GPR155: variants seen among roughly 807,000 people sequenced by gnomAD.
GPR155 encodes the protein lysosomal cholesterol signaling protein.
GPR155 carries 65 observed loss-of-function variants against 93.1 expected under a neutral mutation model. That is an observed-to-expected ratio of 0.70 (90% CI 0.57 to 0.86). The LOEUF is 0.86. Ranked by LOEUF, GPR155 falls within the 40% of genes least tolerant of loss-of-function variation. GPR155 has a pLI of 0.00. For missense variants in GPR155, 838 were observed against 1,034.8 expected (o/e 0.81, Z 2.61); for synonymous variants, 319 against 360.1 (o/e 0.89, Z 1.29).
chr2:174,471,786 ATATT>A (rs1258772280), intron 3 of GPR155, among the ~76,000 whole-genome samples: 1 of 152,238 alleles, frequency 6.6e-6, no homozygotes, highest in Non-Finnish European at 1.5e-5. Flanking sequence ...TAAAATTAGA[ATATT>A]TAAATTCTAC....
Position 174,444,627 on chromosome 2 carries a change from G to A in GPR155, c.2109+454C>T, listed in dbSNP as rs866566405. Among the ~76,000 whole-genome samples the A allele has an allele frequency of 1.8e-4, 28 of 151,504 alleles. 1 individual carries two copies. In the Middle Eastern group the frequency reaches 0.014, roughly 74 times the overall value. ...TGTGCCTCAGCCTCTGCAGTAGCTT[G>A]GATTATCGGCATGGACTACCACGTC... On this transcript the variant is annotated intron_variant, in intron 13 of 15. Transcript: ENST00000392552.
rs373340538 is a variant in GPR155 at position 174,436,072 on chromosome 2, C to T, written c.*44G>A. ...TCACCCAGCTAAAAACTAATGAATA[C>T]GCGGCTAGAATATGATTCCATGTAG... is the stretch of plus-strand genomic sequence containing the variant. On this transcript the variant is annotated 3_prime_UTR_variant, in exon 16 of 16. Coordinates refer to ENST00000392552, the MANE Select transcript of GPR155 (RefSeq NM_152529.7). The T allele has an allele frequency of 3.1e-4, 470 of 1,522,360 alleles. 2 individuals carry two copies. The highest frequency in any genetic ancestry group is 2.9e-3 in the Middle Eastern group (16 of 5,568). The allele number at this position is 1,522,360 out of a possible 1,614,324, so 94.3% of individuals were successfully genotyped here.
chr2:174,459,440 GA>G (rs1489957650), intron 10 of GPR155, among the ~76,000 whole-genome samples: 1 of 152,186 alleles, frequency 6.6e-6, no homozygotes, highest in Non-Finnish European at 1.5e-5. Flanking sequence ...CAAGTTTGTT[GA>G]CTATGATTCA....
In GPR155 at chr2:174,461,449, G is replaced by C; in HGVS notation, c.1513C>G (p.His505Asp). The change falls in exon 9 of 16, where the codon CAC (histidine) becomes GAC (aspartate). Residue 505 changes from histidine (H) to aspartate (D), a missense_variant. Transcript: ENST00000392552. The stretch of plus-strand genomic sequence containing the variant: ...GCTGAGTCAATGCTATCTCCATTGT[G>C]TTTTCCAGTTATCAAAAGAACACCA... Reference protein sequence around the residue: ...LVGVLLITGKHNGDSIDSAFF... With the variant: ...LVGVLLITGKDNGDSIDSAFF... 6.2e-7 allele frequency: 1 copy of C among 1,613,478 alleles called. No homozygotes were observed. The highest frequency in any genetic ancestry group is 8.5e-7 in the Non-Finnish European group (1 of 1,179,542).
chr2:174,485,734 T>A (rs537590515), intron 1 of GPR155, among the ~76,000 whole-genome samples: 1 of 152,120 alleles, frequency 6.6e-6, no homozygotes, highest in Non-Finnish European at 1.5e-5. Context: ...TTCATCCTAA[T>A]CTTTTTTAAA....
rs549013424 is a variant in GPR155, at chr2:174,458,105, C to T, written c.1771+1773G>A. ...GAGAGAAACTGTTCAGTAATGTACTCGGGGTGGGAGGCAGGTTTTTAGTTG... is the reference window on the plus strand; with the variant it reads ...GAGAGAAACTGTTCAGTAATGTACTTGGGGTGGGAGGCAGGTTTTTAGTTG... On this transcript the variant is annotated intron_variant, in intron 10 of 15. Transcript: ENST00000392552. 6.6e-5 allele frequency among the ~76,000 whole-genome samples: 10 copies of T among 152,192 alleles called. No homozygotes were observed. In the East Asian group the frequency reaches 1.9e-3, roughly 29 times the overall value.
At chr2:174,483,193 T>C (rs1199369623) in intron 1 of GPR155, 1 of 133,000 alleles carries the variant, frequency 7.5e-6, no homozygotes, top group African/African-American at 2.7e-5. Context: ...AAATTTTTTT[T>C]AATGAATAAC....
intron 1 of GPR155, among the ~76,000 whole-genome samples, chr2:174,482,447 T>G (rs1172789610): frequency 6.6e-6 from 1 of 152,134 alleles, no homozygotes; most frequent in African/African-American, 2.4e-5. Flanking sequence ...AAGGCTACAT[T>G]GAGGAGTCAC....
intron 3 of GPR155, 33 bp from the exon 4 acceptor site, chr2:174,470,588 T>C: frequency 6.3e-7 from 1 of 1,596,372 alleles, no homozygotes; most frequent in Non-Finnish European, 8.5e-7. Context: ...ATTTACCTGA[T>C]ATCAAAGCAT....
At chr2:174,477,424 A>G (rs187940836) in intron 2 of GPR155, among the ~76,000 whole-genome samples, 6 of 152,304 alleles carry the variant, frequency 3.9e-5, no homozygotes, top group African/African-American at 1.4e-4. Context: ...TACATTTTAC[A>G]CATTATGAAT....
chr2:174,467,888 C>A (rs1384768197), intron 5 of GPR155, among the ~76,000 whole-genome samples: 2 of 152,058 alleles, frequency 1.3e-5, no homozygotes, highest in African/African-American at 4.8e-5. Context: ...AGATGCATAC[C>A]ACCATGCCTG....
intron 4 of GPR155, among the ~76,000 whole-genome samples, chr2:174,470,098 G>A (rs1306785642): frequency 1.3e-5 from 2 of 152,286 alleles, no homozygotes; most frequent in Non-Finnish European, 2.9e-5. Flanking sequence ...CTGGCCTCAA[G>A]TGGTCTGCCC....
At chr2:174,437,533 A>G (rs1686821571) in intron 15 of GPR155, among the ~76,000 whole-genome samples, 1 of 148,864 alleles carries the variant, frequency 6.7e-6, no homozygotes, top group African/African-American at 2.5e-5. Flanking sequence ...ACTCTGTGTT[A>G]GCCTTCTTTT....
At position 174,473,005 on chromosome 2, in the gene GPR155, ACTT is replaced by A. The variant is rs1328274743; in HGVS notation, c.817_819del (p.Lys273del). 3 of 1,593,262 alleles carry A rather than the reference ACTT, an allele frequency of 1.9e-6. No individual in the cohort carries two copies. Among genetic ancestry groups the A allele is most frequent in the Admixed American group, 1.9e-5 (1 of 52,382 alleles). On this transcript the variant is annotated inframe_deletion, in exon 3 of 16. Coordinates refer to ENST00000392552, the MANE Select transcript of GPR155 (RefSeq NM_152529.7). ...AGAAGAATTAGTACTACAAATGCCG[ACTT>A]CTTCAGTCTCTTTATTTTTCCCACC... is the stretch of plus-strand genomic sequence containing the variant.
At chr2:174,466,143 T>C (rs928392467) in intron 6 of GPR155, among the ~76,000 whole-genome samples, 6 of 152,198 alleles carry the variant, frequency 3.9e-5, no homozygotes, top group Non-Finnish European at 7.3e-5. Flanking sequence ...ACATATCCAA[T>C]TGAAACAGAT....
rs978149403 is a variant in GPR155, at chr2:174,482,095, A to G, written c.-31-108T>C. 3 of 611,984 alleles carry G rather than the reference A, an allele frequency of 4.9e-6. No individual in the cohort carries two copies. In the African/African-American group the frequency reaches 5.5e-5, roughly 11 times the overall value. 37.9% of individuals were successfully genotyped at this position (611,984 alleles called of 1,614,324 possible). On this transcript the variant is annotated intron_variant, in intron 1 of 15. Transcript: ENST00000392552. ...TTACTTATTAAATGGCCAAATAAAT[A>G]TACATACCCCTAGATTTATTTACTT...
intron 4 of GPR155, among the ~76,000 whole-genome samples, chr2:174,469,854 C>T (rs557475607): frequency 1.3e-5 from 2 of 152,250 alleles, no homozygotes; most frequent in South Asian, 4.1e-4. Context: ...AATGAGATAG[C>T]TTATAGGCAT....
At position 174,459,959 on chromosome 2, in the gene GPR155, C is replaced by T. The variant is rs146835960; in HGVS notation, c.1690G>A (p.Glu564Lys). 1.9e-6 allele frequency: 3 copies of T among 1,614,000 alleles called. No individual in the cohort carries two copies. Among genetic ancestry groups the T allele is most frequent in the East Asian group, 2.2e-5 (1 of 44,890 alleles). Residue 564 changes from glutamate to lysine, a missense_variant, in exon 10 of 16, where the codon GAG becomes AAG. Coordinates refer to ENST00000392552, the MANE Select transcript of GPR155 (RefSeq NM_152529.7). ...FDQSQSHKVV[E>K]PGNTAFEESP... ...TCCTCAAAAGCAGTATTTCCAGGCT[C>T]CACCACTTTGTGGCTCTGAGACTGA...
intron 4 of GPR155, 56 bp downstream of exon 4, chr2:174,470,334 T>A: frequency 7.4e-7 from 1 of 1,354,300 alleles, no homozygotes; most frequent in East Asian, 2.6e-5. Flanking sequence ...GAAATGAATT[T>A]AAAAATTTTT....
Sources: gnomAD v4.1 joint callset for allele counts (sites outside exome capture counted in the v4.1 genomes callset) on GRCh38, gnomAD v4.1.1 for gene constraint, MANE v1.5 for transcripts, NCBI Gene and HGNC (gene_info 2026-07-23, HGNC 2026-07-21) for gene names.